Variants in ADRB1 observed in about 807,000 individuals in gnomAD.
ADRB1 encodes the protein beta-1 adrenergic receptor.
For missense variants in ADRB1, 635 were observed against 709.1 expected, an observed-to-expected ratio of 0.90 and a Z score of 1.19; for synonymous variants, 365 against 347.2, an observed-to-expected ratio of 1.05 and a Z score of -0.57.
At position 114,044,255 on chromosome 10, in the gene ADRB1, G is replaced by T; in HGVS notation, c.123G>T (p.Ser41=). Residue 41 remains serine (S), a synonymous_variant, in exon 1 of 1, where the codon TCG becomes TCT. Transcript: ENST00000369295. This position sits in a 1 kb window ranked among gnomAD's most constrained non-coding sequence, Gnocchi z 7.8. ...TGGTGCCCGCGTCGCCGCCCGCCTC[G>T]TTGCTGCCTCCCGCCAGCGAAAGCC... ...RLLVPASPPA[S]LLPPASESPE... 1.3e-6 allele frequency: 2 copies of T among 1,493,402 alleles called. No individual in the cohort carries two copies. Among genetic ancestry groups the T allele is most frequent in the South Asian group, 1.3e-5 (1 of 78,892 alleles). 92.5% of individuals were successfully genotyped at this position (1,493,402 alleles called of 1,614,324 possible). A position where few individuals can be genotyped will look rare whatever the true frequency, so the allele number is the denominator to read the frequency against.
At position 114,044,997 on chromosome 10, in the gene ADRB1, C is replaced by T. The variant is rs1242516825; in HGVS notation, c.865C>T (p.Pro289Ser). 37 of 1,076,468 alleles carry T rather than the reference C, an allele frequency of 3.4e-5. 1 individual carries two copies. In the South Asian group the frequency reaches 1.5e-3, roughly 43 times the overall value. The allele number at this position is 1,076,468 out of a possible 1,614,324, so 66.7% of individuals were successfully genotyped here. Residue 289 changes from proline to serine, a missense_variant, in exon 1 of 1, where the codon CCC becomes TCC. Pro to Ser is a moderately conservative substitution (Grantham distance 74, BLOSUM62 -1). Transcript: ENST00000369295. The surrounding 1 kb of genome is among the most constrained non-coding windows in gnomAD (Gnocchi z 7.8). ...CCCCGCGCCCGCGCCGCCGCCCGGA[C>T]CCCCGCGCCCCGCCGCCGCCGCCGC... ...PVPAPAPPPGPPRPAAAAATA... is the reference protein window; with the variant it reads ...PVPAPAPPPGSPRPAAAAATA...
chr10:114,044,123 G>T lies in ADRB1; in HGVS notation c.-10G>T. 1 of 1,266,580 alleles carries T rather than the reference G, an allele frequency of 7.9e-7. No homozygotes were observed. The highest frequency in any genetic ancestry group is 9.9e-7 in the Non-Finnish European group (1 of 1,012,066). The allele number at this position is 1,266,580 out of a possible 1,614,324, so 78.5% of individuals were successfully genotyped here. A position where few individuals can be genotyped will look rare whatever the true frequency, so the allele number is the denominator to read the frequency against. ...GCCACACCCCCCGCCCCCGGCCTCC[G>T]CAGCTCGGCATGGGCGCGGGGGTGC... is the stretch of plus-strand genomic sequence containing the variant. On this transcript the variant is annotated 5_prime_UTR_variant, in exon 1 of 1. Transcript: ENST00000369295. This position sits in a 1 kb window ranked among gnomAD's most constrained non-coding sequence, Gnocchi z 7.8.
chr10:114,045,177 T>A lies in ADRB1; in HGVS notation c.1045T>A (p.Phe349Ile). ...CTTCCTGGCCAACGTGGTGAAGGCC[T>A]TCCACCGCGAGCTGGTGCCCGACCG... ...PFFLANVVKA[F>I]HRELVPDRLF... Residue 349 changes from phenylalanine (F) to isoleucine (I), a missense_variant, in exon 1 of 1, where the codon TTC (phenylalanine) becomes ATC (isoleucine). Phe to Ile is a conservative substitution (Grantham distance 21). Coordinates refer to ENST00000369295, the MANE Select transcript of ADRB1 (RefSeq NM_000684.3). 5.0e-6 allele frequency: 8 copies of A among 1,599,524 alleles called. No individual in the cohort carries two copies. The highest frequency in any genetic ancestry group is 6.8e-6 in the Non-Finnish European group (8 of 1,172,992).
rs763596113 is a variant in ADRB1, at chr10:114,045,459, C to A, written c.1327C>A (p.Arg443Ser). ...TGTCGTCGGGGCCACGCCGCCCGCG[C>A]GCCTGCTGGAGCCCTGGGCCGGCTG... Reference protein sequence around the residue: ...DDVVGATPPARLLEPWAGCNG... With the variant: ...DDVVGATPPASLLEPWAGCNG... The change falls in exon 1 of 1, where the codon CGC becomes AGC. Residue 443 changes from arginine (R) to serine (S), a missense_variant. By Grantham distance (110) the Arg-to-Ser change is moderately radical. Transcript: ENST00000369295. 65 of 1,255,104 alleles carry A rather than the reference C, an allele frequency of 5.2e-5. No individual in the cohort carries two copies. Among genetic ancestry groups the A allele is most frequent in the Non-Finnish European group, 1.0e-6 (1 of 998,124 alleles). The allele number at this position is 1,255,104 out of a possible 1,614,324, so 77.7% of individuals were successfully genotyped here.
In ADRB1 at chr10:114,044,163, T is replaced by C; in HGVS notation, c.31T>C (p.Ser11Pro). 1.5e-6 allele frequency: 2 copies of C among 1,346,626 alleles called. No individual in the cohort carries two copies. Among genetic ancestry groups the C allele is most frequent in the East Asian group, 6.3e-5 (2 of 31,840 alleles). The allele number at this position is 1,346,626 out of a possible 1,614,324, so 83.4% of individuals were successfully genotyped here. Reference sequence around the variant, plus strand: ...CGCGGGGGTGCTCGTCCTGGGCGCCTCCGAGCCCGGTAACCTGTCGTCGGC... The same window carrying C: ...CGCGGGGGTGCTCGTCCTGGGCGCCCCCGAGCCCGGTAACCTGTCGTCGGC... MGAGVLVLGA[S>P]EPGNLSSAAP... The change falls in exon 1 of 1, where the codon TCC becomes CCC. Residue 11 changes from serine to proline, a missense_variant. Coordinates refer to ENST00000369295, the MANE Select transcript of ADRB1 (RefSeq NM_000684.3). The surrounding 1 kb of genome is among the most constrained non-coding windows in gnomAD (Gnocchi z 7.8).
chr10:114,044,614 C>T lies in ADRB1; in HGVS notation c.482C>T (p.Thr161Ile), dbSNP rs531189767. The part of the protein sequence containing the change: ...VIALDRYLAI[T>I]SPFRYQSLLT... ...GCCCTGGACCGCTACCTCGCCATCA[C>T]CTCGCCCTTCCGCTACCAGAGCCTG... is the stretch of plus-strand genomic sequence containing the variant. The change falls in exon 1 of 1, where the codon ACC becomes ATC. Residue 161 changes from threonine (T) to isoleucine (I), a missense_variant. Physicochemically the swap from Thr to Ile is moderately conservative, Grantham distance 89. Coordinates refer to ENST00000369295, the MANE Select transcript of ADRB1 (RefSeq NM_000684.3). This position sits in a 1 kb window ranked among gnomAD's most constrained non-coding sequence, Gnocchi z 7.8. 4 of 1,613,458 alleles carry T rather than the reference C, an allele frequency of 2.5e-6. No homozygotes were observed. The highest frequency in any genetic ancestry group is 2.2e-5 in the East Asian group (1 of 44,856).
rs1385973918 is a variant in ADRB1 at position 114,045,337 on chromosome 10, A to G, written c.1205A>G (p.His402Arg). 4 of 1,516,186 alleles carry G rather than the reference A, an allele frequency of 2.6e-6. No individual in the cohort carries two copies. The highest frequency in any genetic ancestry group is 1.4e-5 in the African/African-American group (1 of 69,696). 93.9% of individuals were successfully genotyped at this position (1,516,186 alleles called of 1,614,324 possible). The change falls in exon 1 of 1, where the codon CAC becomes CGC. Residue 402 changes from histidine (H) to arginine (R), a missense_variant. His to Arg is a conservative substitution (Grantham distance 29, BLOSUM62 0). Coordinates refer to ENST00000369295, the MANE Select transcript of ADRB1 (RefSeq NM_000684.3). ...GCGCGCAGGGCTGCCCGCCGGCGCC[A>G]CGCGACCCACGGAGACCGGCCGCGC... ...CCARRAARRR[H>R]ATHGDRPRAS... is the part of the protein sequence containing the mutation.
Position 114,046,438 on chromosome 10 carries a change from G to A in ADRB1, c.*872G>A, listed in dbSNP as rs945900605. ...TAAAAGAGAGCGAGAGAGAGAAACA[G>A]TTCAGATTACTGCACATGTGGATAA... On this transcript the variant is annotated 3_prime_UTR_variant, in exon 1 of 1. Coordinates refer to ENST00000369295, the MANE Select transcript of ADRB1 (RefSeq NM_000684.3). 6.0e-6 allele frequency: 1 copy of A among 167,048 alleles called. No homozygotes were observed. 10.3% of individuals were successfully genotyped at this position (167,048 alleles called of 1,614,324 possible).
rs1469499306 is a variant in ADRB1, at chr10:114,045,788, TTC to T, written c.*224_*225del. The T allele has an allele frequency of 9.5e-4, 304 of 318,764 alleles. 3 individuals are homozygous for T. Among genetic ancestry groups the T allele is most frequent in the African/African-American group, 6.8e-3 (287 of 41,926 alleles). The allele number at this position is 318,764 out of a possible 1,614,324, so 19.7% of individuals were successfully genotyped here. On this transcript the variant is annotated 3_prime_UTR_variant, in exon 1 of 1. Coordinates refer to ENST00000369295, the MANE Select transcript of ADRB1 (RefSeq NM_000684.3). The stretch of plus-strand genomic sequence containing the variant: ...CTTGTTGTTTTTTTTTTCTTTTCTT[TTC>T]TTTCTTCTTCTTTTTTTTTTTTTTT...
Position 114,044,019 on chromosome 10 carries a change from C to CAGA in ADRB1, c.-114_-113insAGA. On this transcript the variant is annotated 5_prime_UTR_variant, in exon 1 of 1. Coordinates refer to ENST00000369295, the MANE Select transcript of ADRB1 (RefSeq NM_000684.3). This position sits in a 1 kb window ranked among gnomAD's most constrained non-coding sequence, Gnocchi z 7.8. ...TGCCTCCGGCCCCGCGCCGCGGCTG[C>CAGA]CCTGACCCGGCCGCGACCTCCCTCT... is the stretch of plus-strand genomic sequence containing the variant. 1 of 889,620 alleles carries CAGA rather than the reference C, an allele frequency of 1.1e-6. No individual in the cohort carries two copies. Among genetic ancestry groups the CAGA allele is most frequent in the Non-Finnish European group, 1.4e-6 (1 of 692,446 alleles). 55.1% of individuals were successfully genotyped at this position (889,620 alleles called of 1,614,324 possible). A position where few individuals can be genotyped will look rare whatever the true frequency, so the allele number is the denominator to read the frequency against.
chr10:114,045,480 G>C lies in ADRB1; in HGVS notation c.1348G>C (p.Gly450Arg), dbSNP rs1362567347. ...CGCGCGCCTGCTGGAGCCCTGGGCC[G>C]GCTGCAACGGCGGGGCGGCGGCGGA... Reference protein sequence around the residue: ...PPARLLEPWAGCNGGAAADSD... With the variant: ...PPARLLEPWARCNGGAAADSD... Residue 450 changes from glycine (G) to arginine (R), a missense_variant, in exon 1 of 1, where the codon GGC (glycine) becomes CGC (arginine). Transcript: ENST00000369295. 1 of 1,285,082 alleles carries C rather than the reference G, an allele frequency of 7.8e-7. No homozygotes were observed. Among genetic ancestry groups the C allele is most frequent in the Non-Finnish European group, 9.9e-7 (1 of 1,014,326 alleles). 79.6% of individuals were successfully genotyped at this position (1,285,082 alleles called of 1,614,324 possible). A position where few individuals can be genotyped will look rare whatever the true frequency, so the allele number is the denominator to read the frequency against.
rs777950392 is a variant in ADRB1, at chr10:114,044,615, C to T, written c.483C>T (p.Thr161=). 5 of 1,613,418 alleles carry T rather than the reference C, an allele frequency of 3.1e-6. No individual in the cohort carries two copies. The highest frequency in any genetic ancestry group is 4.2e-6 in the Non-Finnish European group (5 of 1,179,948). The change falls in exon 1 of 1, where the codon ACC becomes ACT. Residue 161 remains threonine, a synonymous_variant. Coordinates refer to ENST00000369295, the MANE Select transcript of ADRB1 (RefSeq NM_000684.3). This position sits in a 1 kb window ranked among gnomAD's most constrained non-coding sequence, Gnocchi z 7.8. ...VIALDRYLAI[T]SPFRYQSLLT... is the part of the protein sequence containing the mutation. ...CCCTGGACCGCTACCTCGCCATCAC[C>T]TCGCCCTTCCGCTACCAGAGCCTGC...
At position 114,046,584 on chromosome 10, in the gene ADRB1, G is replaced by A. The variant is rs1346789892; in HGVS notation, c.*1018G>A. The A allele has an allele frequency of 1.1e-4, 19 of 167,006 alleles. No individual in the cohort carries two copies. In the Admixed American group the frequency reaches 1.2e-3, roughly 11 times the overall value. The allele number at this position is 167,006 out of a possible 1,614,324, so 10.3% of individuals were successfully genotyped here. On this transcript the variant is annotated 3_prime_UTR_variant, in exon 1 of 1. Transcript: ENST00000369295. ...AATTAAATATTTTTTAAAGGGAGAG[G>A]GGCTGGGCAGATCTTAAATAAAATT...
In ADRB1 at chr10:114,045,769, G is replaced by GTTTTT; in HGVS notation, c.*209_*213dup. Reference sequence around the variant, plus strand: ...GAGTGGCTTGCTGATGTTCCTTGTTGTTTTTTTTTTCTTTTCTTTTCTTTC... The same window carrying GTTTTT: ...GAGTGGCTTGCTGATGTTCCTTGTTGTTTTTTTTTTTTTTTCTTTTCTTTTCTTTC... On this transcript the variant is annotated 3_prime_UTR_variant, in exon 1 of 1. Coordinates refer to ENST00000369295, the MANE Select transcript of ADRB1 (RefSeq NM_000684.3). 1 of 231,960 alleles carries GTTTTT rather than the reference G, an allele frequency of 4.3e-6. No homozygotes were observed. The allele number at this position is 231,960 out of a possible 1,614,324, so 14.4% of individuals were successfully genotyped here.
In ADRB1 at chr10:114,045,249, A is replaced by G. The variant is rs753351998; in HGVS notation, c.1117A>G (p.Asn373Asp). Residue 373 changes from asparagine (N) to aspartate (D), a missense_variant, in exon 1 of 1, where the codon AAC (asparagine) becomes GAC (aspartate). By Grantham distance (23) the Asn-to-Asp change is conservative. Coordinates refer to ENST00000369295, the MANE Select transcript of ADRB1 (RefSeq NM_000684.3). ...GCTGGGCTACGCCAACTCGGCCTTC[A>G]ACCCCATCATCTACTGCCGCAGCCC... ...NWLGYANSAFNPIIYCRSPDF... is the reference protein window; with the variant it reads ...NWLGYANSAFDPIIYCRSPDF... The G allele has an allele frequency of 1.3e-6, 2 of 1,598,616 alleles. No individual in the cohort carries two copies. The highest frequency in any genetic ancestry group is 2.3e-5 in the East Asian group (1 of 43,900).
chr10:114,045,484 G>A lies in ADRB1; in HGVS notation c.1352G>A (p.Cys451Tyr). Residue 451 changes from cysteine to tyrosine, a missense_variant, in exon 1 of 1, where the codon TGC (cysteine) becomes TAC (tyrosine). Coordinates refer to ENST00000369295, the MANE Select transcript of ADRB1 (RefSeq NM_000684.3). ...PARLLEPWAG[C>Y]NGGAAADSDS... Reference sequence around the variant, plus strand: ...CGCCTGCTGGAGCCCTGGGCCGGCTGCAACGGCGGGGCGGCGGCGGACAGC... The same window carrying A: ...CGCCTGCTGGAGCCCTGGGCCGGCTACAACGGCGGGGCGGCGGCGGACAGC... The A allele has an allele frequency of 7.8e-7, 1 of 1,287,112 alleles. No homozygotes were observed. The highest frequency in any genetic ancestry group is 9.8e-7 in the Non-Finnish European group (1 of 1,015,362). The allele number at this position is 1,287,112 out of a possible 1,614,324, so 79.7% of individuals were successfully genotyped here.
chr10:114,044,952 T>A lies in ADRB1; in HGVS notation c.820T>A (p.Ser274Thr). The change falls in exon 1 of 1, where the codon TCG (serine) becomes ACG (threonine). Residue 274 changes from serine (S) to threonine (T), a missense_variant. Transcript: ENST00000369295. This position sits in a 1 kb window ranked among gnomAD's most constrained non-coding sequence, Gnocchi z 7.8. ...CCTCGGCGGCCCAGCGCGGCCGCCC[T>A]CGCCCTCGCCCTCGCCCGTCCCCGC... is the stretch of plus-strand genomic sequence containing the variant. ...RFLGGPARPP[S>T]PSPSPVPAPA... The A allele has an allele frequency of 8.0e-7, 1 of 1,252,394 alleles. No individual in the cohort carries two copies. Among genetic ancestry groups the A allele is most frequent in the Non-Finnish European group, 1.0e-6 (1 of 991,302 alleles). The allele number at this position is 1,252,394 out of a possible 1,614,324, so 77.6% of individuals were successfully genotyped here. A position where few individuals can be genotyped will look rare whatever the true frequency, so the allele number is the denominator to read the frequency against.
Position 114,044,758 on chromosome 10 carries a change from G to T in ADRB1, c.626G>T (p.Cys209Phe). The T allele has an allele frequency of 6.2e-7, 1 of 1,612,852 alleles. No homozygotes were observed. ...WRAESDEARR[C>F]YNDPKCCDFV... is the part of the protein sequence containing the mutation. Reference sequence around the variant, plus strand: ...GCGGAGAGCGACGAGGCGCGCCGCTGCTACAACGACCCCAAGTGCTGCGAC... The same window carrying T: ...GCGGAGAGCGACGAGGCGCGCCGCTTCTACAACGACCCCAAGTGCTGCGAC... Residue 209 changes from cysteine to phenylalanine, a missense_variant, in exon 1 of 1, where the codon TGC (cysteine) becomes TTC (phenylalanine). Coordinates refer to ENST00000369295, the MANE Select transcript of ADRB1 (RefSeq NM_000684.3). This position sits in a 1 kb window ranked among gnomAD's most constrained non-coding sequence, Gnocchi z 7.8.
In ADRB1 at chr10:114,044,464, T is replaced by G; in HGVS notation, c.332T>G (p.Val111Gly). Reference sequence around the variant, plus strand: ...GCCGACCTGGTCATGGGGCTGCTGGTGGTGCCGTTCGGGGCCACCATCGTG... The same window carrying G: ...GCCGACCTGGTCATGGGGCTGCTGGGGGTGCCGTTCGGGGCCACCATCGTG... The part of the protein sequence containing the change: ...ASADLVMGLL[V>G]VPFGATIVVW... Residue 111 changes from valine to glycine, a missense_variant, in exon 1 of 1, where the codon GTG becomes GGG. Physicochemically the swap from Val to Gly is moderately radical, Grantham distance 109. Transcript: ENST00000369295. This position sits in a 1 kb window ranked among gnomAD's most constrained non-coding sequence, Gnocchi z 7.8. 6.2e-7 allele frequency: 1 copy of G among 1,613,362 alleles called. No homozygotes were observed. The highest frequency in any genetic ancestry group is 8.5e-7 in the Non-Finnish European group (1 of 1,179,958).
Sources: allele counts gnomAD v4.1 joint callset, GRCh38; gene constraint gnomAD v4.1.1; non-coding constraint Gnocchi (gnomAD v3.1); transcripts MANE v1.5; gene names NCBI Gene and HGNC (gene_info 2026-07-23, HGNC 2026-07-21).